The following AGO3 variants were observed in gnomAD, a reference collection of about 807,000 sequenced individuals.
AGO3 encodes protein argonaute-3.
A neutral mutation model predicts 105.5 loss-of-function variants in AGO3; 16 were observed. That is an observed-to-expected ratio of 0.15 (90% CI 0.10 to 0.23). AGO3 has a LOEUF of 0.23. AGO3 is among the 10% of genes least tolerant of loss of function. The pLI is 1.00. For missense variants in AGO3, 534 were observed against 1,088.0 expected (o/e 0.49, Z 7.16); for synonymous variants, 340 against 367.3 (o/e 0.93, Z 0.85).
rs375889312 is a variant in AGO3, at chr1:35,967,045, C to T, written c.282C>T (p.Thr94=). Residue 94 remains threonine (T), a synonymous_variant, in exon 3 of 19, where the codon ACC becomes ACT. Transcript: ENST00000373191. The part of the protein sequence containing the change: ...PVYDGKRSLY[T]ANPLPVATTG... Reference sequence around the variant, plus strand: ...ATGATGGAAAAAGAAGTCTTTACACCGCCAATCCACTTCCTGTGGCAACTA... The same window carrying T: ...ATGATGGAAAAAGAAGTCTTTACACTGCCAATCCACTTCCTGTGGCAACTA... The T allele has an allele frequency of 2.4e-5, 38 of 1,613,338 alleles. No individual in the cohort carries two copies. The highest frequency in any genetic ancestry group is 1.2e-4 in the South Asian group (11 of 90,970).
chr1:35,986,640 A>G (rs919813986), intron 5 of AGO3, among the ~76,000 whole-genome samples: 3 of 151,934 alleles, frequency 2.0e-5, no homozygotes, highest in South Asian at 2.1e-4. Flanking sequence ...GTGAGCTGAG[A>G]TCACACCTCT....
rs1040335212 is a variant in AGO3 at position 36,062,879 on chromosome 1, A to G, written c.*7134A>G. 6.6e-6 allele frequency: 1 copy of G among 152,064 alleles called. No individual in the cohort carries two copies. Among genetic ancestry groups the G allele is most frequent in the Non-Finnish European group, 1.5e-5 (1 of 68,028 alleles). 9.4% of individuals were successfully genotyped at this position (152,064 alleles called of 1,614,324 possible). ...GTTTGCAAATATACATGCACATTAA[A>G]CTTTTTTGTTTTTATAATGTCTTAA... On this transcript the variant is annotated 3_prime_UTR_variant, in exon 19 of 19. Coordinates refer to ENST00000373191, the MANE Select transcript of AGO3 (RefSeq NM_024852.4).
intron 11 of AGO3, among the ~76,000 whole-genome samples, chr1:36,025,419 AAAAC>A (rs1641458933): frequency 1.3e-5 from 2 of 152,022 alleles, no homozygotes; most frequent in African/African-American, 2.4e-5. Context: ...AAAAAAAAAA[AAAAC>A]AAAACCATTT....
chr1:35,954,449 A>G (rs958550193), intron 2 of AGO3, among the ~76,000 whole-genome samples: 1 of 152,222 alleles, frequency 6.6e-6, no homozygotes, highest in African/African-American at 2.4e-5. Flanking sequence ...TATTATATGA[A>G]TGTACCTTGA....
chr1:35,945,941 A>G (rs975090745), intron 2 of AGO3, 78 bp downstream of exon 2: 37 of 1,411,686 alleles, frequency 2.6e-5, no homozygotes, highest in Non-Finnish European at 3.4e-5. Flanking sequence ...GTATATCTGA[A>G]TAACAATTAC....
chr1:36,007,952 G>A (rs2148813036), intron 6 of AGO3, among the ~76,000 whole-genome samples: 1 of 152,250 alleles, frequency 6.6e-6, no homozygotes, highest in African/African-American at 2.4e-5. Context: ...CAGATGGACG[G>A]CAGGGATCCA....
intron 1 of AGO3, among the ~76,000 whole-genome samples, chr1:35,932,555 A>G (rs1376024262): frequency 1.4e-5 from 2 of 145,844 alleles, no homozygotes; most frequent in Admixed American, 6.6e-5. Flanking sequence ...GAGAGTTACA[A>G]ATTTTTTTTT....
intron 2 of AGO3, among the ~76,000 whole-genome samples, chr1:35,948,459 C>T (rs1337445446): frequency 7.5e-6 from 1 of 133,810 alleles, no homozygotes; most frequent in Non-Finnish European, 1.6e-5. Flanking sequence ...ACCTTGTGGT[C>T]CCCCCCCGCC....
intron 1 of AGO3, among the ~76,000 whole-genome samples, chr1:35,934,668 A>T (rs1351328338): frequency 6.6e-6 from 1 of 152,088 alleles, no homozygotes; most frequent in South Asian, 2.1e-4. Flanking sequence ...TTTTTTTGAG[A>T]TGGAGTCTTG....
intron 1 of AGO3, 74 bp from the exon 2 acceptor site, chr1:35,945,618 A>G (rs919012219): frequency 4.8e-6 from 7 of 1,465,330 alleles, no homozygotes; most frequent in Non-Finnish European, 6.5e-6. Flanking sequence ...TATAATTCTA[A>G]TATACTCTGG....
chr1:35,989,500 A>T (rs1647414612), intron 5 of AGO3, among the ~76,000 whole-genome samples: 3 of 152,220 alleles, frequency 2.0e-5, no homozygotes, highest in Admixed American at 2.0e-4. Context: ...ATTTGATGAA[A>T]TGAAGAATAT....
At chr1:35,982,490 G>A in intron 5 of AGO3, 2 of 595,630 alleles carry the variant, frequency 3.4e-6, no homozygotes, top group Non-Finnish European at 6.1e-6. Context: ...AAAATTAAAT[G>A]CAAAGAGAAT....
intron 16 of AGO3, among the ~76,000 whole-genome samples, chr1:36,042,857 A>T (rs943112304): frequency 1.3e-5 from 2 of 152,216 alleles, no homozygotes; most frequent in African/African-American, 2.4e-5. Context: ...TTTGAATCCC[A>T]GTTCTGCCCT....
chr1:35,944,436 A>C (rs570889665), intron 1 of AGO3, among the ~76,000 whole-genome samples: 1 of 151,672 alleles, frequency 6.6e-6, no homozygotes, highest in Non-Finnish European at 1.5e-5. Flanking sequence ...ACACAATGTA[A>C]TGTCTTCAGT....
chr1:36,037,179 T>C (rs1642048338), intron 14 of AGO3, among the ~76,000 whole-genome samples: 1 of 152,160 alleles, frequency 6.6e-6, no homozygotes, highest in Admixed American at 6.6e-5. Context: ...ATTTCGAAAA[T>C]ATGAACATCT....
chr1:35,949,494 G>A (rs547467930), intron 2 of AGO3, among the ~76,000 whole-genome samples: 5 of 152,278 alleles, frequency 3.3e-5, no homozygotes, highest in Admixed American at 1.3e-4. Context: ...AATTCTAGGC[G>A]TTAGAAGGAA....
At chr1:36,037,056 CTCTG>C (rs1283171442) in intron 14 of AGO3, among the ~76,000 whole-genome samples, 1 of 152,066 alleles carries the variant, frequency 6.6e-6, no homozygotes, top group Non-Finnish European at 1.5e-5. Flanking sequence ...TTTCTTTGCT[CTCTG>C]TGTTTGTAAC....
chr1:35,962,450 G>A (rs1360478683), intron 2 of AGO3, among the ~76,000 whole-genome samples: 1 of 151,940 alleles, frequency 6.6e-6, no homozygotes, highest in Non-Finnish European at 1.5e-5. Context: ...GGCTGAGGCA[G>A]GAGAATAGTG....
intron 5 of AGO3, among the ~76,000 whole-genome samples, chr1:35,996,774 A>G (rs537150091): frequency 6.6e-6 from 1 of 152,002 alleles, no homozygotes; most frequent in East Asian, 1.9e-4. Flanking sequence ...CATCTCAAAA[A>G]AAAAAAAAAA....
Sources: allele counts gnomAD v4.1 joint callset (sites outside exome capture counted in the v4.1 genomes callset), GRCh38; gene constraint gnomAD v4.1.1; transcripts MANE v1.5; gene names NCBI Gene and HGNC (gene_info 2026-07-23, HGNC 2026-07-21).